GYS1: variants seen among roughly 807,000 people sequenced by gnomAD.
GYS1 encodes glycogen [starch] synthase, muscle.
GYS1 carries 60 observed loss-of-function variants against 89.1 expected under a neutral mutation model. The ratio of observed to expected loss-of-function variants is 0.67; its 90% CI spans 0.55 to 0.84. GYS1 has a LOEUF of 0.84. Ranked by LOEUF, GYS1 falls within the 40% of genes least tolerant of loss-of-function variation. GYS1 has a pLI of 0.00. For synonymous variants in GYS1, 366 were observed against 401.7 expected (o/e 0.91, Z 1.06); for missense variants, 888 against 1,003.1 (o/e 0.89, Z 1.55).
chr19:48,990,006 G>GT (rs1052494065), intron 2 of GYS1, among the ~76,000 whole-genome samples: 2 of 150,404 alleles, frequency 1.3e-5, no homozygotes, highest in African/African-American at 2.5e-5. Flanking sequence ...GCTGGGGGGG[G>GT]GGGGGGGCTA....
chr19:48,969,732 G>A, intron 15 of GYS1, 43 bp downstream of exon 15: 1 of 1,596,566 alleles, frequency 6.3e-7, no homozygotes, highest in Non-Finnish European at 8.6e-7. Flanking sequence ...CCGAAGCCCA[G>A]CCCTTTAGCT....
chr19:48,992,929 CAG>C, intron 1 of GYS1, 64 bp downstream of exon 1: 1 of 915,266 alleles, frequency 1.1e-6, no homozygotes. Flanking sequence ...TCCTACAACT[CAG>C]AGTTCCGGGC....
intron 12 of GYS1, among the ~76,000 whole-genome samples, chr19:48,971,403 C>T (rs998137909): frequency 4.6e-5 from 7 of 152,096 alleles, no homozygotes; most frequent in South Asian, 4.1e-4. Flanking sequence ...GTATCTTGTA[C>T]GGACTTAGTC....
chr19:48,986,095 C>A, intron 3 of GYS1, 60 bp from the exon 4 acceptor site: 1 of 1,505,688 alleles, frequency 6.6e-7, no homozygotes. Flanking sequence ...AATCGGCAAT[C>A]CCCAGTAGGG....
At position 48,989,121 on chromosome 19, in the gene GYS1, TTTTG is replaced by T. The variant is rs2038884046; in HGVS notation, c.301-1740_301-1737del. ...CTTTTTCTTTCTTTCTTCCATTTTT[TTTTG>T]TTTGTTTTTGTTTTTGACAGGGTCT... On this transcript the variant is annotated intron_variant, in intron 2 of 15. Coordinates refer to ENST00000323798, the MANE Select transcript of GYS1 (RefSeq NM_002103.5). 5.9e-5 allele frequency among the ~76,000 whole-genome samples: 9 copies of T among 152,036 alleles called. No individual in the cohort carries two copies. In the South Asian group the frequency reaches 1.5e-3, roughly 25 times the overall value.
chr19:48,982,956 T>A, intron 5 of GYS1, 119 bp from the exon 6 acceptor site: 1 of 759,352 alleles, frequency 1.3e-6, no homozygotes, highest in Non-Finnish European at 2.4e-6. Context: ...TCAAGAGCGT[T>A]CCTATGAGGT....
chr19:48,981,681 A>G (rs761310902), intron 7 of GYS1, 45 bp from the exon 8 acceptor site: 34 of 1,236,818 alleles, frequency 2.7e-5, no homozygotes, highest in Non-Finnish European at 3.8e-5. Flanking sequence ...ATGTGGGGGA[A>G]GCCTGGAACC....
chr19:48,969,382 T>C lies in GYS1; in HGVS notation c.2120A>G (p.Lys707Arg). Residue 707 changes from lysine (K) to arginine (R), a missense_variant, in exon 16 of 16, where the codon AAG becomes AGG. Transcript: ENST00000323798. The stretch of plus-strand genomic sequence containing the variant: ...GGTGGCCGTGTCCACAGAGTTGCGC[T>C]TGCTGCCGCTGGTGGAGGAGGTGCA... ...ASCTSSTSGS[K>R]RNSVDTATSS... 2 of 1,571,618 alleles carry C rather than the reference T, an allele frequency of 1.3e-6. No homozygotes were observed. Among genetic ancestry groups the C allele is most frequent in the South Asian group, 2.3e-5 (2 of 86,320 alleles).
At chr19:48,978,061 G>T in intron 9 of GYS1, 37 bp downstream of exon 9, 1 of 1,608,690 alleles carries the variant, frequency 6.2e-7, no homozygotes, top group Non-Finnish European at 8.5e-7. Context: ...GTTAGTCAGG[G>T]CCTAGGAGGG....
chr19:48,991,589 T>TTCCCCCTG lies in GYS1; in HGVS notation c.119-107_119-106insCAGGGGGA. 8.2e-7 allele frequency: 1 copy of TTCCCCCTG among 1,214,996 alleles called. No homozygotes were observed. Among genetic ancestry groups the TTCCCCCTG allele is most frequent in the Non-Finnish European group, 1.2e-6 (1 of 833,834 alleles). 75.3% of individuals were successfully genotyped at this position (1,214,996 alleles called of 1,614,324 possible). A position where few individuals can be genotyped will look rare whatever the true frequency, so the allele number is the denominator to read the frequency against. On this transcript the variant is annotated intron_variant, in intron 1 of 15. Coordinates refer to ENST00000323798, the MANE Select transcript of GYS1 (RefSeq NM_002103.5). The surrounding 1 kb of genome is among the most constrained non-coding windows in gnomAD (Gnocchi z 4.7). The stretch of plus-strand genomic sequence containing the variant: ...AGGGGGCACTCAGGCCCCAGACCTC[T>TTCCCCCTG]AGCTCAGGGGGAAGAGGGGACTGGG...
chr19:48,982,493 A>C, intron 6 of GYS1, 118 bp from the exon 7 acceptor site: 1 of 1,185,518 alleles, frequency 8.4e-7, no homozygotes, highest in East Asian at 2.4e-5. Flanking sequence ...GGTAATACAG[A>C]GGCATCACGG....
Position 48,969,320 on chromosome 19 carries a change from G to A in GYS1, c.2182C>T (p.Pro728Ser), listed in dbSNP as rs935271060. ...SLSTPSEPLS[P>S]TSSLGEERN ...CGCTCCTCGCCCAGGGAGCTGGTGG[G>A]GCTGAGGGGCTCGCTCGGGGTGCTG... Residue 728 changes from proline to serine, a missense_variant, in exon 16 of 16, where the codon CCC (proline) becomes TCC (serine). Pro to Ser is a moderately conservative substitution (Grantham distance 74, BLOSUM62 -1). Transcript: ENST00000323798. 8 of 1,580,870 alleles carry A rather than the reference G, an allele frequency of 5.1e-6. No individual in the cohort carries two copies. Among genetic ancestry groups the A allele is most frequent in the Admixed American group, 1.7e-5 (1 of 57,180 alleles).
At chr19:48,973,665 C>T (rs2038600421) in intron 12 of GYS1, among the ~76,000 whole-genome samples, 3 of 152,076 alleles carry the variant, frequency 2.0e-5, no homozygotes, top group Non-Finnish European at 2.9e-5. Flanking sequence ...ACTACAGGTG[C>T]GTACCACCAC....
chr19:48,970,318 A>G, intron 14 of GYS1: 1 of 537,892 alleles, frequency 1.9e-6, no homozygotes, highest in Non-Finnish European at 3.3e-6. Flanking sequence ...GTAAAAATAA[A>G]ATGTTGCCCA....
At chr19:48,985,417 C>A in intron 5 of GYS1, 44 bp downstream of exon 5, 1 of 1,601,572 alleles carries the variant, frequency 6.2e-7, no homozygotes, top group Non-Finnish European at 8.5e-7. Flanking sequence ...GCATAGACAG[C>A]TGCCTACCTC....
chr19:48,979,739 C>T (rs1410111315), intron 8 of GYS1, among the ~76,000 whole-genome samples: 15 of 150,104 alleles, frequency 1.0e-4, no homozygotes, highest in South Asian at 2.1e-4. Context: ...CTCTGCCTCC[C>T]GGGTTCGAGC....
chr19:48,971,102 G>A (rs956236234), intron 12 of GYS1, 79 bp from the exon 13 acceptor site: 2 of 948,286 alleles, frequency 2.1e-6, no homozygotes, highest in African/African-American at 1.6e-5. Context: ...CCTCAACACC[G>A]CCCTCTACTG....
rs1215229165 is a variant in GYS1, at chr19:48,991,098, C to A, written c.300+204G>T. On this transcript the variant is annotated intron_variant, in intron 2 of 15. Coordinates refer to ENST00000323798, the MANE Select transcript of GYS1 (RefSeq NM_002103.5). The surrounding 1 kb of genome is among the most constrained non-coding windows in gnomAD (Gnocchi z 4.7). Reference sequence around the variant, plus strand: ...AGTCTGTCTCATACTTGCCATCTGTCTGTCCATTCGCCCATGTCTGGGATC... The same window carrying A: ...AGTCTGTCTCATACTTGCCATCTGTATGTCCATTCGCCCATGTCTGGGATC... 1.3e-5 allele frequency among the ~76,000 whole-genome samples: 2 copies of A among 152,212 alleles called. No individual in the cohort carries two copies. Among genetic ancestry groups the A allele is most frequent in the Non-Finnish European group, 2.9e-5 (2 of 68,044 alleles).
intron 2 of GYS1, among the ~76,000 whole-genome samples, chr19:48,990,001 G>A (rs1374281241): frequency 8.0e-6 from 1 of 125,622 alleles, no homozygotes; most frequent in Non-Finnish European, 1.7e-5. Flanking sequence ...CTTTTGCTGG[G>A]GGGGGGGGGG....
Sources: gnomAD v4.1 joint callset for allele counts (sites outside exome capture counted in the v4.1 genomes callset) on GRCh38, gnomAD v4.1.1 for gene constraint, Gnocchi (gnomAD v3.1) non-coding constraint, MANE v1.5 for transcripts, NCBI Gene and HGNC (gene_info 2026-07-23, HGNC 2026-07-21) for gene names.